ANKS1B: variants seen among roughly 807,000 people sequenced by gnomAD.
ANKS1B encodes ankyrin repeat and sterile alpha motif domain-containing protein 1B.
ANKS1B carries 36 observed loss-of-function variants against 148.3 expected under a neutral mutation model. The observed-to-expected ratio is 0.24, with a 90% CI of 0.19 to 0.32. ANKS1B has a LOEUF of 0.32. ANKS1B is among the 10% of genes least tolerant of loss of function. The pLI, the probability that ANKS1B is intolerant of heterozygous loss-of-function variation, is 1.00. For missense variants in ANKS1B, 1,157 were observed against 1,542.6 expected (o/e 0.75, Z 4.19); for synonymous variants, 542 against 560.8 (o/e 0.97, Z 0.47).
intron 14 of ANKS1B, among the ~76,000 whole-genome samples, chr12:99,179,689 T>A (rs1471746305): frequency 6.6e-6 from 1 of 152,106 alleles, no homozygotes; most frequent in East Asian, 1.9e-4. Flanking sequence ...GGAAAAACTC[T>A]CTATGAATCT....
intron 23 of ANKS1B, 41 bp from the exon 24 acceptor site, chr12:98,781,244 G>A (rs2098732087): frequency 2.3e-6 from 3 of 1,314,350 alleles, no homozygotes; most frequent in Non-Finnish European, 3.2e-6. Context: ...AGTTTGTGTT[G>A]CGTGGCAACT....
At chr12:99,946,183 GA>G (rs780154250) in intron 1 of ANKS1B, among the ~76,000 whole-genome samples, 2 of 152,188 alleles carry the variant, frequency 1.3e-5, no homozygotes, top group African/African-American at 2.4e-5. Context: ...TCTGAGTGGG[GA>G]AAGGAGGAGG....
At chr12:99,088,847 T>TTTG (rs1201238139) in intron 15 of ANKS1B, among the ~76,000 whole-genome samples, 3 of 137,328 alleles carry the variant, frequency 2.2e-5, no homozygotes, top group South Asian at 2.4e-4. Flanking sequence ...TGTTTTTTTT[T>TTTG]TTTTTTTTTT....
chr12:99,391,592 CA>C (rs771799607), intron 12 of ANKS1B, among the ~76,000 whole-genome samples: 102 of 152,316 alleles, frequency 6.7e-4, no homozygotes, highest in Non-Finnish European at 1.0e-3. Context: ...CCTGAGTAAA[CA>C]TATTTATTTA....
chr12:99,661,948 C>G (rs918481822), intron 8 of ANKS1B, among the ~76,000 whole-genome samples: 28 of 152,218 alleles, frequency 1.8e-4, no homozygotes, highest in African/African-American at 6.3e-4. Flanking sequence ...GGAGCTGGAG[C>G]ATTTGTCCTG....
At chr12:99,436,719 A>G (rs2095467029) in intron 11 of ANKS1B, among the ~76,000 whole-genome samples, 1 of 152,022 alleles carries the variant, frequency 6.6e-6, no homozygotes, top group South Asian at 2.1e-4. Context: ...CTCATTAATC[A>G]TACACAGGTC....
intron 17 of ANKS1B, among the ~76,000 whole-genome samples, chr12:98,955,087 CCTT>C (rs1434879009): frequency 6.6e-6 from 1 of 151,976 alleles, no homozygotes; most frequent in Non-Finnish European, 1.5e-5. Flanking sequence ...AAATGAATGT[CCTT>C]CTCTTTATGG....
At chr12:99,442,918 C>T (rs565629115) in intron 11 of ANKS1B, among the ~76,000 whole-genome samples, 100 of 151,998 alleles carry the variant, frequency 6.6e-4, no homozygotes, top group African/African-American at 2.3e-3. Flanking sequence ...CCATTCAGAA[C>T]GAGCCAGGTT....
chr12:99,558,385 C>T (rs896418568), intron 9 of ANKS1B, among the ~76,000 whole-genome samples: 2 of 152,240 alleles, frequency 1.3e-5, no homozygotes, highest in African/African-American at 2.4e-5. Context: ...GGGGTACACA[C>T]ACGCATGCCA....
In ANKS1B at chr12:99,100,606, T is replaced by G. The variant is rs1599983636; in HGVS notation, c.2527-15583A>C. ...GTGCAGTGGCATGATCTTGGCTCATTGCAACCTCCACCCTCCAGGTTCCAG... is the reference window on the plus strand; with the variant it reads ...GTGCAGTGGCATGATCTTGGCTCATGGCAACCTCCACCCTCCAGGTTCCAG... On this transcript the variant is annotated intron_variant, in intron 15 of 26. Transcript: ENST00000683438. Among the ~76,000 whole-genome samples the G allele has an allele frequency of 3.3e-5, 5 of 152,342 alleles. No individual in the cohort carries two copies. The South Asian group carries it at 1.0e-3, about 32-fold the overall frequency.
intron 8 of ANKS1B, among the ~76,000 whole-genome samples, chr12:99,745,059 A>G (rs899495957): frequency 1.1e-4 from 17 of 152,106 alleles, no homozygotes; most frequent in Non-Finnish European, 1.8e-4. Flanking sequence ...TCCTAACGAA[A>G]AAAACACAAA....
intron 12 of ANKS1B, among the ~76,000 whole-genome samples, chr12:99,276,320 CTGTATTTGGATATAGGCCCTTTAAAGTGA>C (rs1293774572): frequency 1.3e-4 from 20 of 152,218 alleles, no homozygotes; most frequent in Admixed American, 1.1e-3. Context: ...AGCTTAGTGA[CTGTATTTGGATATAGGCCCTTTAAAGTGA>C]TGTATTTGGA....
At chr12:99,181,620 T>C (rs2079120891) in intron 14 of ANKS1B, among the ~76,000 whole-genome samples, 1 of 152,124 alleles carries the variant, frequency 6.6e-6, no homozygotes, top group Admixed American at 6.5e-5. Flanking sequence ...GGAAAAACAT[T>C]TTTTCAAGAG....
chr12:98,932,718 A>T (rs1353572377), intron 17 of ANKS1B, among the ~76,000 whole-genome samples: 1 of 152,198 alleles, frequency 6.6e-6, no homozygotes, highest in Non-Finnish European at 1.5e-5. Context: ...TCCTGGAACC[A>T]GAAAGGTCTA....
At chr12:99,876,584 T>C (rs764622281) in intron 1 of ANKS1B, among the ~76,000 whole-genome samples, 5 of 151,758 alleles carry the variant, frequency 3.3e-5, no homozygotes, top group Non-Finnish European at 7.4e-5. Flanking sequence ...ACAAAAAAAT[T>C]AGCCGGGAGT....
intron 14 of ANKS1B, among the ~76,000 whole-genome samples, chr12:99,191,826 G>A (rs866072469): frequency 4.6e-5 from 7 of 151,948 alleles, no homozygotes; most frequent in South Asian, 2.1e-4. Flanking sequence ...CATGTATTTC[G>A]GAACTTAAAG....
At chr12:99,552,133 T>G (rs2097225447) in intron 9 of ANKS1B, among the ~76,000 whole-genome samples, 1 of 152,212 alleles carries the variant, frequency 6.6e-6, no homozygotes, top group African/African-American at 2.4e-5. Flanking sequence ...TCAGTTTTTT[T>G]TATCTTTCCT....
chr12:99,660,298 A>C (rs1381385557), intron 8 of ANKS1B, among the ~76,000 whole-genome samples: 1 of 151,962 alleles, frequency 6.6e-6, no homozygotes, highest in African/African-American at 2.4e-5. Flanking sequence ...TCTCACGATA[A>C]ATTCATAAAT....
At chr12:99,038,288 A>T (rs1365197067) in intron 17 of ANKS1B, among the ~76,000 whole-genome samples, 4 of 152,118 alleles carry the variant, frequency 2.6e-5, no homozygotes, top group African/African-American at 9.7e-5. Flanking sequence ...AATATTCCCA[A>T]TCTCAAGAAA....
Sources: gnomAD v4.1 joint callset for allele counts (sites outside exome capture counted in the v4.1 genomes callset) on GRCh38, gnomAD v4.1.1 for gene constraint, MANE v1.5 for transcripts, NCBI Gene and HGNC (gene_info 2026-07-23, HGNC 2026-07-21) for gene names.